The following STPG2 variants were observed in gnomAD, a reference collection of about 807,000 sequenced individuals.
STPG2 encodes sperm tail PG-rich repeat containing 2.
STPG2 carries 56 observed loss-of-function variants against 54.2 expected under a neutral mutation model. The ratio of observed to expected loss-of-function variants is 1.03; its 90% CI spans 0.83 to 1.29. The LOEUF is 1.29. Ranked by LOEUF, STPG2 falls within the 50% of genes most tolerant of loss-of-function variation. STPG2 has a pLI of 0.00. For synonymous variants in STPG2, 200 were observed against 181.8 expected, an observed-to-expected ratio of 1.10 and a Z score of -0.81; for missense variants, 596 against 544.9, an observed-to-expected ratio of 1.09 and a Z score of -0.93.
intron 1 of STPG2, 27 bp downstream of exon 1, chr4:98,143,015 G>T: frequency 6.3e-7 from 1 of 1,587,226 alleles, no homozygotes; most frequent in East Asian, 2.3e-5. Flanking sequence ...GCCTGTCACA[G>T]GAGCTCTGCC....
At chr4:97,903,791 C>T (rs888734729) in intron 8 of STPG2, among the ~76,000 whole-genome samples, 11 of 152,158 alleles carry the variant, frequency 7.2e-5, no homozygotes, top group African/African-American at 1.2e-4. Context: ...ACTCGGGAAG[C>T]GCAAGGGGTC....
chr4:97,717,540 G>A (rs1724328985), intron 9 of STPG2, among the ~76,000 whole-genome samples: 1 of 152,144 alleles, frequency 6.6e-6, no homozygotes, highest in East Asian at 1.9e-4. Context: ...TGGCTTGACT[G>A]AAATATCTCT....
chr4:97,541,524 T>A (rs1023966738), intron 4 of STPG2, among the ~76,000 whole-genome samples: 1 of 152,090 alleles, frequency 6.6e-6, no homozygotes, highest in African/African-American at 2.4e-5. Context: ...AGAATCAGTA[T>A]CGTGAAAATG....
chr4:97,603,562 C>T (rs1192357048), intron 10 of STPG2, among the ~76,000 whole-genome samples: 1 of 151,484 alleles, frequency 6.6e-6, no homozygotes, highest in Admixed American at 6.6e-5. Flanking sequence ...AACCCAAGTG[C>T]TCATCAACAC....
chr4:98,070,368 A>C (rs1368380482), intron 5 of STPG2, among the ~76,000 whole-genome samples: 1 of 152,034 alleles, frequency 6.6e-6, no homozygotes, highest in Admixed American at 6.6e-5. Flanking sequence ...AACATACCTC[A>C]AAATAATAAG....
At chr4:97,914,490 C>T (rs1731800991) in intron 8 of STPG2, among the ~76,000 whole-genome samples, 1 of 152,040 alleles carries the variant, frequency 6.6e-6, no homozygotes, top group African/African-American at 2.4e-5. Flanking sequence ...TTAAGCAGTA[C>T]TAAGTACCTT....
chr4:97,634,683 G>C (rs868501330), intron 10 of STPG2, among the ~76,000 whole-genome samples: 2,499 of 151,776 alleles, frequency 0.016, 59 homozygotes, highest in African/African-American at 0.056. Flanking sequence ...TCGAGAACTA[G>C]GTGAAGAATG....
intron 10 of STPG2, among the ~76,000 whole-genome samples, chr4:97,640,608 G>A (rs1490277383): frequency 6.6e-6 from 1 of 151,502 alleles, no homozygotes; most frequent in Non-Finnish European, 1.5e-5. Flanking sequence ...TTGAAAAACA[G>A]GATATACGGC....
chr4:97,542,111 A>T (rs945543459), intron 4 of STPG2, among the ~76,000 whole-genome samples: 5 of 152,346 alleles, frequency 3.3e-5, no homozygotes, highest in Middle Eastern at 3.4e-3. Flanking sequence ...AAAAGCCAAA[A>T]TTGACAAATG....
intron 10 of STPG2, among the ~76,000 whole-genome samples, chr4:97,588,987 T>A (rs2148896628): frequency 6.6e-6 from 1 of 152,200 alleles, no homozygotes; most frequent in South Asian, 2.1e-4. Context: ...TGGGAAGTTC[T>A]TGCCCAGTGT....
intron 10 of STPG2, among the ~76,000 whole-genome samples, chr4:97,611,398 C>A (rs775314363): frequency 1.3e-5 from 2 of 151,602 alleles, no homozygotes; most frequent in Non-Finnish European, 2.9e-5. Context: ...AACAGAGATG[C>A]TAATTTGGGA....
rs537820319 is a variant in STPG2 at position 98,136,035 on chromosome 4, G to A, written c.110-1576C>T. 2.0e-5 allele frequency among the ~76,000 whole-genome samples: 3 copies of A among 151,646 alleles called. No homozygotes were observed. The South Asian group carries it at 6.2e-4, about 31-fold the overall frequency. ...AATGAAAAGAAACAGATTGAGAAATGAAAAGGTGGAATTAGCAGACAAGAA... is the reference window on the plus strand; with the variant it reads ...AATGAAAAGAAACAGATTGAGAAATAAAAAGGTGGAATTAGCAGACAAGAA... On this transcript the variant is annotated intron_variant, in intron 1 of 10. Transcript: ENST00000295268.
At chr4:97,909,718 G>A (rs1257362713) in intron 8 of STPG2, among the ~76,000 whole-genome samples, 2 of 151,958 alleles carry the variant, frequency 1.3e-5, no homozygotes, top group Non-Finnish European at 2.9e-5. Context: ...CAATAGATTT[G>A]AAAAAATGCT....
At chr4:97,943,801 G>T (rs1168842421) in intron 8 of STPG2, 96 bp downstream of exon 8, 17 of 879,470 alleles carry the variant, frequency 1.9e-5, no homozygotes, top group Non-Finnish European at 2.7e-5. Flanking sequence ...CACGCTACCA[G>T]TTACCTCACT....
chr4:98,108,150 T>C (rs1350185482), intron 4 of STPG2, among the ~76,000 whole-genome samples: 2 of 152,160 alleles, frequency 1.3e-5, no homozygotes, highest in Non-Finnish European at 2.9e-5. Context: ...ATTCAAACAA[T>C]GTTTACTCAA....
In STPG2 at chr4:97,720,850, A is replaced by C. The variant is rs569926743; in HGVS notation, c.1205-8036T>G. Among the ~76,000 whole-genome samples the C allele has an allele frequency of 2.6e-5, 4 of 152,094 alleles. No homozygotes were observed. In the East Asian group the frequency reaches 7.7e-4, roughly 29 times the overall value. Reference sequence around the variant, plus strand: ...ACTGCTACTTTCAAAGCCTGTTATAAACAACAATAAAACAAATTCTAGAGT... The same window carrying C: ...ACTGCTACTTTCAAAGCCTGTTATACACAACAATAAAACAAATTCTAGAGT... On this transcript the variant is annotated intron_variant, in intron 9 of 10. Transcript: ENST00000295268.
chr4:97,783,354 G>C (rs1726714150), intron 9 of STPG2, among the ~76,000 whole-genome samples: 2 of 152,144 alleles, frequency 1.3e-5, no homozygotes, highest in Non-Finnish European at 2.9e-5. Context: ...TCAGAGAAAT[G>C]CAAATCAAAA....
At chr4:97,471,752 CAAG>C (rs1340016633) in intron 4 of STPG2, among the ~76,000 whole-genome samples, 2 of 151,868 alleles carry the variant, frequency 1.3e-5, no homozygotes, top group Non-Finnish European at 2.9e-5. Flanking sequence ...CTTAATATTC[CAAG>C]AAGAAGTTTA....
intron 4 of STPG2, among the ~76,000 whole-genome samples, chr4:97,523,432 CTTACTT>C (rs758977107): frequency 1.3e-5 from 2 of 151,910 alleles, no homozygotes; most frequent in Non-Finnish European, 2.9e-5. Flanking sequence ...TATGAGTTCT[CTTACTT>C]TACTATTTTT....
Sources: allele counts gnomAD v4.1 joint callset (sites outside exome capture counted in the v4.1 genomes callset), GRCh38; gene constraint gnomAD v4.1.1; transcripts MANE v1.5; gene names NCBI Gene and HGNC (gene_info 2026-07-23, HGNC 2026-07-21).